The following ZSCAN30 variants were observed in gnomAD, a reference collection of about 807,000 sequenced individuals.
The protein encoded by ZSCAN30 is zinc finger and SCAN domain-containing protein 30.
In ZSCAN30, 37 loss-of-function variants were observed where a neutral mutation model predicts 44.3. The observed-to-expected ratio is 0.84, with a 90% CI of 0.64 to 1.10. ZSCAN30 has a LOEUF of 1.10. Ranked by LOEUF, ZSCAN30 falls within the 50% of genes least tolerant of loss-of-function variation. The pLI, the probability that ZSCAN30 is intolerant of heterozygous loss-of-function variation, is 0.00. For missense variants in ZSCAN30, 549 were observed against 582.6 expected (o/e 0.94, Z 0.59); for synonymous variants, 181 against 204.6 (o/e 0.88, Z 0.98).
Position 35,276,295 on chromosome 18 carries a change from C to CT in ZSCAN30, c.-103-11841dup, listed in dbSNP as rs35094357. ...GGGGCCTGGGCTTTTCTTTGTGTGCCTTTTTTTTTTTTAAATTACTAACTC... is the reference window on the plus strand; with the variant it reads ...GGGGCCTGGGCTTTTCTTTGTGTGCCTTTTTTTTTTTTTAAATTACTAACTC... On this transcript the variant is annotated intron_variant, in intron 1 of 3. Transcript: ENST00000333206. 2.0e-3 allele frequency among the ~76,000 whole-genome samples: 288 copies of CT among 144,014 alleles called. 1 individual carries two copies. Among genetic ancestry groups the CT allele is most frequent in the African/African-American group, 2.5e-3 (97 of 39,470 alleles). 94.5% of individuals were successfully genotyped at this position (144,014 alleles called of 152,430 possible).
Position 35,251,471 on chromosome 18 carries a change from T to TC in ZSCAN30, c.*1978dup, listed in dbSNP as rs1169913097. The TC allele has an allele frequency of 1.3e-5, 2 of 152,090 alleles. No individual in the cohort carries two copies. The highest frequency in any genetic ancestry group is 1.3e-4 in the Admixed American group (2 of 15,258). The allele number at this position is 152,090 out of a possible 1,614,324, so 9.4% of individuals were successfully genotyped here. A position where few individuals can be genotyped will look rare whatever the true frequency, so the allele number is the denominator to read the frequency against. ...CTCTGGACACAAAGAGGCCGAATTG[T>TC]CCCCCCAATTTCACCTCCCCTATTA... On this transcript the variant is annotated 3_prime_UTR_variant, in exon 4 of 4. Coordinates refer to ENST00000333206, the MANE Select transcript of ZSCAN30 (RefSeq NM_001112734.4).
chr18:35,261,651 T>C (rs547809863), intron 3 of ZSCAN30: 1 of 2,408 alleles, frequency 4.2e-4, no homozygotes, highest in African/African-American at 4.6e-4. Flanking sequence ...GGCTCTCTGG[T>C]TGTCTTATTG....
intron 3 of ZSCAN30, among the ~76,000 whole-genome samples, chr18:35,257,665 C>T (rs2043881944): frequency 6.6e-6 from 1 of 152,204 alleles, no homozygotes; most frequent in African/African-American, 2.4e-5. Flanking sequence ...GCAGTCCTAA[C>T]CGATTAAGAC....
At chr18:35,271,856 G>A (rs1171721900) in intron 1 of ZSCAN30, among the ~76,000 whole-genome samples, 1 of 152,214 alleles carries the variant, frequency 6.6e-6, no homozygotes, top group Non-Finnish European at 1.5e-5. Context: ...CAGTTCTGTG[G>A]GACCCCGCGC....
chr18:35,263,846 T>C (rs774636531), intron 2 of ZSCAN30, 99 bp downstream of exon 2: 56 of 1,471,918 alleles, frequency 3.8e-5, no homozygotes, highest in Non-Finnish European at 4.5e-5. Context: ...AGAAAGAAAC[T>C]GTATAATTCT....
intron 3 of ZSCAN30, among the ~76,000 whole-genome samples, chr18:35,259,455 C>T (rs534270407): frequency 8.5e-5 from 13 of 152,336 alleles, no homozygotes; most frequent in African/African-American, 2.9e-4. Context: ...GCTGGCATTA[C>T]AGGCATAAGC....
intron 1 of ZSCAN30, among the ~76,000 whole-genome samples, chr18:35,287,574 C>CAAAAA (rs59300208): frequency 5.3e-5 from 5 of 94,654 alleles, no homozygotes; most frequent in Middle Eastern, 6.9e-3. Flanking sequence ...ATCCACATAC[C>CAAAAA]AAAAAAAAAA....
intron 1 of ZSCAN30, among the ~76,000 whole-genome samples, chr18:35,271,268 C>T (rs1359020864): frequency 6.6e-6 from 1 of 152,112 alleles, no homozygotes; most frequent in African/African-American, 2.4e-5. Context: ...CTGATTGGTC[C>T]GTTTTATAGA....
chr18:35,269,844 A>C (rs79824262), intron 1 of ZSCAN30: 1 of 116,256 alleles, frequency 8.6e-6, no homozygotes, highest in Admixed American at 8.1e-5. Context: ...TGAGTGGCCA[A>C]AAAAAAAAAA....
In ZSCAN30 at chr18:35,251,969, G is replaced by A. The variant is rs2043613500; in HGVS notation, c.*1481C>T. The A allele has an allele frequency of 6.6e-6, 1 of 152,034 alleles. No homozygotes were observed. Among genetic ancestry groups the A allele is most frequent in the Non-Finnish European group, 1.5e-5 (1 of 68,022 alleles). 9.4% of individuals were successfully genotyped at this position (152,034 alleles called of 1,614,324 possible). A position where few individuals can be genotyped will look rare whatever the true frequency, so the allele number is the denominator to read the frequency against. The stretch of plus-strand genomic sequence containing the variant: ...GTATTAATTGCCCTCAGCAATTGTG[G>A]GTTAATTAAAACTGCCAAAATAAAA... On this transcript the variant is annotated 3_prime_UTR_variant, in exon 4 of 4. Coordinates refer to ENST00000333206, the MANE Select transcript of ZSCAN30 (RefSeq NM_001112734.4).
At chr18:35,288,847 A>G (rs899818013) in intron 1 of ZSCAN30, among the ~76,000 whole-genome samples, 2 of 152,206 alleles carry the variant, frequency 1.3e-5, no homozygotes, top group Non-Finnish European at 2.9e-5. Context: ...TAATAAACAT[A>G]TTATTTTGAT....
At chr18:35,267,201 C>T (rs1265433382) in intron 1 of ZSCAN30, 1 of 152,232 alleles carries the variant, frequency 6.6e-6, no homozygotes, top group African/African-American at 2.4e-5. Context: ...AGGAAGGAGC[C>T]CATTGGCGAG....
intron 3 of ZSCAN30, chr18:35,261,280 T>C (rs1251615502): frequency 6.6e-6 from 1 of 152,244 alleles, no homozygotes; most frequent in Non-Finnish European, 1.5e-5. Context: ...TGAAGGCAGG[T>C]GGCATGATGC....
chr18:35,261,488 T>C (rs1010993747), intron 3 of ZSCAN30: 1 of 152,262 alleles, frequency 6.6e-6, no homozygotes, highest in African/African-American at 2.4e-5. Context: ...TCCATAAGCA[T>C]GGAATGTTTC....
rs748247580 is a variant in ZSCAN30, at chr18:35,264,253, C to A, written c.100G>T (p.Asp34Tyr). The part of the protein sequence containing the change: ...VEEENYVLDQ[D>Y]FGLQENPWSQ... Reference sequence around the variant, plus strand: ...CAGGGGTTTTCCTGAAGGCCAAAGTCCTGGTCCAAAACATAATTTTCTTCT... The same window carrying A: ...CAGGGGTTTTCCTGAAGGCCAAAGTACTGGTCCAAAACATAATTTTCTTCT... Residue 34 changes from aspartate to tyrosine, a missense_variant, in exon 2 of 4, where the codon GAC becomes TAC. Coordinates refer to ENST00000333206, the MANE Select transcript of ZSCAN30 (RefSeq NM_001112734.4). 3 of 1,614,168 alleles carry A rather than the reference C, an allele frequency of 1.9e-6. 1 individual carries two copies. The South Asian group carries it at 3.3e-5, about 18-fold the overall frequency.
chr18:35,289,996 C>T (rs1226456934), intron 1 of ZSCAN30, 88 bp downstream of exon 1: 1 of 152,192 alleles, frequency 6.6e-6, no homozygotes, highest in African/African-American at 2.4e-5. Flanking sequence ...TTAAAGCATA[C>T]CTACGAATCA....
intron 1 of ZSCAN30, among the ~76,000 whole-genome samples, chr18:35,287,875 C>CTTTT (rs61171547): frequency 3.5e-5 from 5 of 141,084 alleles, no homozygotes; most frequent in Non-Finnish European, 7.7e-5. Flanking sequence ...TCTTCCTCTT[C>CTTTT]TTTTTTTTTT....
Position 35,254,088 on chromosome 18 carries a change from T to C in ZSCAN30, c.847A>G (p.Ser283Gly). Residue 283 changes from serine (S) to glycine (G), a missense_variant, in exon 4 of 4, where the codon AGT (serine) becomes GGT (glycine). Ser to Gly is a moderately conservative substitution (Grantham distance 56, BLOSUM62 0). Transcript: ENST00000333206. ...TGTGTAATATCATTTGAATTCATACTGAAACTTCCTTCACTCTCATGAGAT... is the reference window on the plus strand; with the variant it reads ...TGTGTAATATCATTTGAATTCATACCGAAACTTCCTTCACTCTCATGAGAT... ...LESHESEGSF[S>G]MNSNDITQQS... The C allele has an allele frequency of 6.2e-7, 1 of 1,614,122 alleles. No individual in the cohort carries two copies. Among genetic ancestry groups the C allele is most frequent in the Non-Finnish European group, 8.5e-7 (1 of 1,180,020 alleles).
At position 35,251,933 on chromosome 18, in the gene ZSCAN30, C is replaced by T. The variant is rs1176415575; in HGVS notation, c.*1517G>A. 1.3e-5 allele frequency: 2 copies of T among 152,066 alleles called. No homozygotes were observed. The highest frequency in any genetic ancestry group is 3.9e-4 in the East Asian group (2 of 5,188). 9.4% of individuals were successfully genotyped at this position (152,066 alleles called of 1,614,324 possible). A position where few individuals can be genotyped will look rare whatever the true frequency, so the allele number is the denominator to read the frequency against. On this transcript the variant is annotated 3_prime_UTR_variant, in exon 4 of 4. Coordinates refer to ENST00000333206, the MANE Select transcript of ZSCAN30 (RefSeq NM_001112734.4). ...AGGATATCTTAGAAGAGGAATCAAA[C>T]TTTCTTTTAGGTATTAATTGCCCTC...
Sources: gnomAD v4.1 joint callset for allele counts (sites outside exome capture counted in the v4.1 genomes callset) on GRCh38, gnomAD v4.1.1 for gene constraint, MANE v1.5 for transcripts, NCBI Gene and HGNC (gene_info 2026-07-23, HGNC 2026-07-21) for gene names.